The following SLC9A9 variants were observed in gnomAD, a reference collection of about 807,000 sequenced individuals.
SLC9A9 encodes sodium/hydrogen exchanger 9.
A neutral mutation model predicts 77.8 loss-of-function variants in SLC9A9; 62 were observed. The observed-to-expected ratio is 0.80, with a 90% CI of 0.65 to 0.98. The LOEUF is 0.98. SLC9A9 is among the 50% of genes least tolerant of loss of function. The probability of loss-of-function intolerance (pLI) is 0.00; values close to 1 mark genes in which losing one functional copy is unlikely to be tolerated. For synonymous variants in SLC9A9, 320 were observed against 283.5 expected (o/e 1.13, Z -1.29); for missense variants, 775 against 774.9 (o/e 1.00, Z 0.00).
intron 13 of SLC9A9, among the ~76,000 whole-genome samples, chr3:143,372,829 A>C (rs989410382): frequency 1.3e-5 from 2 of 152,190 alleles, no homozygotes; most frequent in African/African-American, 4.8e-5. Context: ...AAGAAGAAAT[A>C]CAAATGGCAA....
At chr3:143,403,730 G>GA in intron 12 of SLC9A9, among the ~76,000 whole-genome samples, 1 of 152,304 alleles carries the variant, frequency 6.6e-6, no homozygotes, top group South Asian at 2.1e-4. Flanking sequence ...TGTGTGTGAT[G>GA]AATAACTTCT....
intron 12 of SLC9A9, among the ~76,000 whole-genome samples, chr3:143,408,835 A>T (rs1283363708): frequency 6.7e-6 from 1 of 149,926 alleles, no homozygotes; most frequent in Non-Finnish European, 1.5e-5. Flanking sequence ...TGTGCAGCTT[A>T]AAAAAAATCA....
At chr3:143,500,896 TA>T (rs1246628016) in intron 9 of SLC9A9, among the ~76,000 whole-genome samples, 2 of 150,274 alleles carry the variant, frequency 1.3e-5, no homozygotes, top group Non-Finnish European at 2.9e-5. Flanking sequence ...TAGAACAAAA[TA>T]AGAGTTTTAT....
chr3:143,650,595 G>A (rs2038780036), intron 6 of SLC9A9, among the ~76,000 whole-genome samples: 2 of 152,292 alleles, frequency 1.3e-5, no homozygotes, highest in Non-Finnish European at 2.9e-5. Flanking sequence ...GAAGTCAAAT[G>A]TTTTTACTTA....
chr3:143,512,885 CAAACA>C (rs1277576336), intron 9 of SLC9A9, among the ~76,000 whole-genome samples: 1 of 152,134 alleles, frequency 6.6e-6, no homozygotes, highest in Non-Finnish European at 1.5e-5. Context: ...AAAAAACAAA[CAAACA>C]AAACAAAGCA....
intron 9 of SLC9A9, among the ~76,000 whole-genome samples, chr3:143,534,221 C>T (rs1225098987): frequency 6.6e-6 from 1 of 152,088 alleles, no homozygotes; most frequent in Non-Finnish European, 1.5e-5. Context: ...AAAAAGGATG[C>T]TTTGGTGCTT....
rs1456532540 is a variant in SLC9A9, at chr3:143,467,060, G to A, written c.1446C>T (p.Pro482=). The A allele has an allele frequency of 2.5e-6, 4 of 1,613,790 alleles. No individual in the cohort carries two copies. The highest frequency in any genetic ancestry group is 3.4e-6 in the Non-Finnish European group (4 of 1,179,958). The change falls in exon 12 of 16, where the codon CCC becomes CCT. Residue 482 remains proline, a synonymous_variant. Transcript: ENST00000316549. ...ACCTGATCTGAAGCCAAGTCAACAT[G>A]GGGGTTGTTCCTCCTCCAAATACCC... ...TVWVFGGGTT[P]MLTWLQIRVG...
intron 4 of SLC9A9, among the ~76,000 whole-genome samples, chr3:143,733,245 A>G (rs1934853387): frequency 6.6e-6 from 1 of 152,190 alleles, no homozygotes; most frequent in South Asian, 2.1e-4. Flanking sequence ...GTCACAATGC[A>G]TAAATACAGA....
intron 11 of SLC9A9, among the ~76,000 whole-genome samples, chr3:143,486,882 T>C (rs2035661880): frequency 6.6e-6 from 1 of 152,036 alleles, no homozygotes; most frequent in African/African-American, 2.4e-5. Flanking sequence ...AAGAATGCTG[T>C]AAGGTATATA....
chr3:143,477,934 T>C (rs1349970906), intron 11 of SLC9A9, among the ~76,000 whole-genome samples: 2 of 152,194 alleles, frequency 1.3e-5, no homozygotes, highest in African/African-American at 4.8e-5. Context: ...TCCCAGGCAA[T>C]GTGTTCAGCG....
At chr3:143,799,254 G>C (rs2008481066) in intron 2 of SLC9A9, among the ~76,000 whole-genome samples, 1 of 151,994 alleles carries the variant, frequency 6.6e-6, no homozygotes, top group South Asian at 2.1e-4. Flanking sequence ...TAGACCCATA[G>C]GGGCCAGAAG....
At chr3:143,296,398 T>C (rs932349626) in intron 14 of SLC9A9, among the ~76,000 whole-genome samples, 1 of 152,262 alleles carries the variant, frequency 6.6e-6, no homozygotes, top group African/African-American at 2.4e-5. Flanking sequence ...GAAGATTTTC[T>C]TCTTTTTTAA....
intron 1 of SLC9A9, among the ~76,000 whole-genome samples, chr3:143,841,366 G>C (rs1430123666): frequency 6.6e-6 from 1 of 152,178 alleles, no homozygotes; most frequent in East Asian, 1.9e-4. Context: ...CTAAAAAATG[G>C]TTGTTGTGAG....
chr3:143,322,199 G>A (rs116070032), intron 14 of SLC9A9, among the ~76,000 whole-genome samples: 23 of 152,258 alleles, frequency 1.5e-4, no homozygotes, highest in East Asian at 5.8e-4. Flanking sequence ...TTTTCCGGGC[G>A]TGTCTGTGAG....
At chr3:143,666,576 T>C (rs1261941876) in intron 5 of SLC9A9, among the ~76,000 whole-genome samples, 3 of 152,094 alleles carry the variant, frequency 2.0e-5, no homozygotes, top group Non-Finnish European at 4.4e-5. Flanking sequence ...GATTGTATAT[T>C]TAGAAAACCC....
chr3:143,560,096 G>A (rs531442304), intron 8 of SLC9A9, among the ~76,000 whole-genome samples: 2 of 152,330 alleles, frequency 1.3e-5, no homozygotes, highest in Non-Finnish European at 2.9e-5. Context: ...GAATCCACAA[G>A]GCAATGATTT....
intron 13 of SLC9A9, among the ~76,000 whole-genome samples, chr3:143,371,760 AAAG>A (rs1047072338): frequency 8.5e-5 from 13 of 152,326 alleles, no homozygotes; most frequent in Admixed American, 5.9e-4. Flanking sequence ...CCAAATTGGA[AAAG>A]AAGAAGTCCA....
At chr3:143,590,484 A>G (rs565905169) in intron 6 of SLC9A9, among the ~76,000 whole-genome samples, 6 of 152,368 alleles carry the variant, frequency 3.9e-5, no homozygotes, top group East Asian at 1.9e-4. Flanking sequence ...TTGGGGTAGA[A>G]TGAACAATAG....
At chr3:143,559,146 G>A (rs1334045226) in intron 8 of SLC9A9, among the ~76,000 whole-genome samples, 1 of 152,160 alleles carries the variant, frequency 6.6e-6, no homozygotes, top group Non-Finnish European at 1.5e-5. Flanking sequence ...CCAGCCATGT[G>A]GAACTGTGAG....
Sources: gnomAD v4.1 joint callset for allele counts (sites outside exome capture counted in the v4.1 genomes callset) on GRCh38, gnomAD v4.1.1 for gene constraint, MANE v1.5 for transcripts, NCBI Gene and HGNC (gene_info 2026-07-23, HGNC 2026-07-21) for gene names.